SESN1: variants seen among roughly 807,000 people sequenced by gnomAD.
SESN1 encodes sestrin 1.
A neutral mutation model predicts 59.3 loss-of-function variants in SESN1; 30 were observed. The ratio of observed to expected loss-of-function variants is 0.51; its 90% CI spans 0.38 to 0.69. The LOEUF is 0.69. Among genes scored for constraint, SESN1 ranks in the 30% least tolerant of loss-of-function variants. The probability of loss-of-function intolerance (pLI) is 0.00; values close to 1 mark genes in which losing one functional copy is unlikely to be tolerated. For synonymous variants in SESN1, 197 were observed against 219.9 expected (o/e 0.90, Z 0.92); for missense variants, 566 against 673.0 (o/e 0.84, Z 1.76).
intron 1 of SESN1, among the ~76,000 whole-genome samples, chr6:109,021,117 C>T (rs1780005057): frequency 6.6e-6 from 1 of 152,076 alleles, no homozygotes. Flanking sequence ...CCTCAGCCTC[C>T]TGAGTAGGTA....
intron 1 of SESN1, among the ~76,000 whole-genome samples, chr6:109,034,357 T>C (rs564911094): frequency 3.3e-5 from 5 of 152,330 alleles, no homozygotes; most frequent in African/African-American, 1.2e-4. Context: ...GTAAATAATT[T>C]AGTGTTAAGT....
At chr6:109,026,456 C>T (rs1780094646) in intron 1 of SESN1, among the ~76,000 whole-genome samples, 1 of 152,100 alleles carries the variant, frequency 6.6e-6, no homozygotes, top group South Asian at 2.1e-4. Flanking sequence ...CTTTAATTTC[C>T]CTTGGCTTGG....
chr6:108,995,836 T>TTG (rs1779493489), intron 5 of SESN1, among the ~76,000 whole-genome samples: 1 of 149,950 alleles, frequency 6.7e-6, no homozygotes, highest in African/African-American at 2.4e-5. Flanking sequence ...CATACAAAAT[T>TTG]AATGTTTCCC....
chr6:109,006,980 T>A (rs1364266229), intron 1 of SESN1, among the ~76,000 whole-genome samples: 1 of 152,220 alleles, frequency 6.6e-6, no homozygotes, highest in Non-Finnish European at 1.5e-5. Context: ...CAAATGGCCT[T>A]GTTGAAAAGC....
rs1374730203 is a variant in SESN1 at position 109,046,768 on chromosome 6, G to A, written c.280-44425C>T. 1.4e-4 allele frequency among the ~76,000 whole-genome samples: 19 copies of A among 137,850 alleles called. No homozygotes were observed. The East Asian group carries it at 1.9e-3, about 14-fold the overall frequency. 90.4% of individuals were successfully genotyped at this position (137,850 alleles called of 152,430 possible). A position where few individuals can be genotyped will look rare whatever the true frequency, so the allele number is the denominator to read the frequency against. ...TGGGTTGTGAGGAGTGCCTCTGCCC[G>A]GCCGAGACCCCGTCTGGGAGGTGAG... On this transcript the variant is annotated intron_variant, in intron 1 of 9. Transcript: ENST00000436639.
chr6:109,002,085 T>A (rs991651195), intron 2 of SESN1, among the ~76,000 whole-genome samples, 193 bp downstream of exon 2: 3 of 152,210 alleles, frequency 2.0e-5, no homozygotes, highest in Non-Finnish European at 4.4e-5. Context: ...AAACACATCA[T>A]GAAATACTAG....
chr6:109,026,566 G>A (rs1328699733), intron 1 of SESN1, among the ~76,000 whole-genome samples: 3 of 151,874 alleles, frequency 2.0e-5, no homozygotes, highest in African/African-American at 7.3e-5. Context: ...GCGCAATCTC[G>A]GCTCACTGCA....
At chr6:109,000,036 A>G (rs535262597) in intron 4 of SESN1, 1 of 152,544 alleles carries the variant, frequency 6.6e-6, no homozygotes, top group South Asian at 2.1e-4. Flanking sequence ...CCAGTCTGAA[A>G]AGCTACATAC....
intron 1 of SESN1, among the ~76,000 whole-genome samples, chr6:109,024,084 T>G (rs1283873898): frequency 6.6e-6 from 1 of 152,134 alleles, no homozygotes; most frequent in Non-Finnish European, 1.5e-5. Flanking sequence ...CTCAATTGAC[T>G]TTTTAAAAAA....
intron 1 of SESN1, among the ~76,000 whole-genome samples, chr6:109,082,355 C>T (rs905744162): frequency 6.6e-6 from 1 of 152,132 alleles, no homozygotes; most frequent in Non-Finnish European, 1.5e-5. Flanking sequence ...TCACTGAGTG[C>T]TTACTGGGTT....
At chr6:109,084,145 C>T (rs1166753825) in intron 1 of SESN1, among the ~76,000 whole-genome samples, 1 of 152,124 alleles carries the variant, frequency 6.6e-6, no homozygotes, top group Non-Finnish European at 1.5e-5. Flanking sequence ...TAAATTAATA[C>T]TATTCACTAA....
intron 5 of SESN1, among the ~76,000 whole-genome samples, chr6:108,997,138 G>A (rs1482988428): frequency 6.6e-6 from 1 of 152,146 alleles, no homozygotes; most frequent in Non-Finnish European, 1.5e-5. Flanking sequence ...CTGTCAAAGT[G>A]TCATCAGGGT....
intron 1 of SESN1, among the ~76,000 whole-genome samples, chr6:109,032,025 T>C (rs765131303): frequency 5.8e-4 from 88 of 152,218 alleles, no homozygotes; most frequent in Admixed American, 1.8e-3. Flanking sequence ...TGTTAAGTAC[T>C]TATATGTGGA....
At chr6:109,051,163 C>A (rs1035118151) in intron 1 of SESN1, among the ~76,000 whole-genome samples, 45 of 150,392 alleles carry the variant, frequency 3.0e-4, no homozygotes, top group Non-Finnish European at 6.1e-4. Context: ...AAAAAAACAA[C>A]AAAAAAAAAC....
At chr6:109,087,095 C>T (rs1781225344) in intron 1 of SESN1, among the ~76,000 whole-genome samples, 1 of 152,158 alleles carries the variant, frequency 6.6e-6, no homozygotes, top group East Asian at 1.9e-4. Context: ...CGTGCCACTG[C>T]ACTACAGCCT....
chr6:109,000,348 G>A, intron 4 of SESN1, 143 bp downstream of exon 4: 2 of 531,236 alleles, frequency 3.8e-6, no homozygotes, highest in Non-Finnish European at 6.3e-6. Flanking sequence ...TGCTGTAACA[G>A]AAGAAAATGT....
intron 1 of SESN1, among the ~76,000 whole-genome samples, chr6:109,021,661 C>T (rs1583275532): frequency 2.0e-5 from 3 of 151,984 alleles, no homozygotes; most frequent in Admixed American, 6.6e-5. Flanking sequence ...AGGCTGGTCT[C>T]GAACTCCTGA....
At chr6:109,028,264 A>G (rs930673043) in intron 1 of SESN1, among the ~76,000 whole-genome samples, 1 of 152,224 alleles carries the variant, frequency 6.6e-6, no homozygotes, top group African/African-American at 2.4e-5. Context: ...GAATGGGATT[A>G]TGGGTGAAGG....
intron 1 of SESN1, among the ~76,000 whole-genome samples, chr6:109,026,332 G>A (rs1229066312): frequency 6.6e-6 from 1 of 152,122 alleles, no homozygotes; most frequent in Non-Finnish European, 1.5e-5. Flanking sequence ...CCAAAGAACA[G>A]TCAACAAAGA....
Sources: allele counts gnomAD v4.1 joint callset (sites outside exome capture counted in the v4.1 genomes callset), GRCh38; gene constraint gnomAD v4.1.1; transcripts MANE v1.5; gene names NCBI Gene and HGNC (gene_info 2026-07-23, HGNC 2026-07-21).